Variants in STRA8 observed in about 807,000 individuals in gnomAD.
The protein encoded by STRA8 is stimulated by retinoic acid gene 8 protein homolog.
Under a neutral mutation model 37.1 loss-of-function variants are expected in STRA8, and 18 were observed. That is an observed-to-expected ratio of 0.48 (90% CI 0.34 to 0.72). STRA8 has a LOEUF of 0.72. Ranked by LOEUF, STRA8 falls within the 30% of genes least tolerant of loss-of-function variation. STRA8 has a pLI of 0.01. For synonymous variants in STRA8, 168 were observed against 162.9 expected, an observed-to-expected ratio of 1.03 and a Z score of -0.24; for missense variants, 357 against 410.4, an observed-to-expected ratio of 0.87 and a Z score of 1.13.
chr7:135,240,755 G>A, intron 2 of STRA8, 39 bp downstream of exon 2: 1 of 1,604,694 alleles, frequency 6.2e-7, no homozygotes, highest in African/African-American at 1.3e-5. Flanking sequence ...CATCTCCACG[G>A]GGAAGGAGAC....
At position 135,249,741 on chromosome 7, in the gene STRA8, T is replaced by A. The variant is rs113126622; in HGVS notation, c.880-2055T>A. On this transcript the variant is annotated intron_variant, in intron 6 of 8. Transcript: ENST00000662584. ...CAGTATCTACCAAATGCCTGAGCAA[T>A]TCTGCCAAATTTGACTGTGCCAGCA... 1.8e-3 allele frequency among the ~76,000 whole-genome samples: 278 copies of A among 152,362 alleles called. 5 individuals are homozygous for A. Among genetic ancestry groups the A allele is most frequent in the African/African-American group, 6.4e-3 (266 of 41,582 alleles).
intron 2 of STRA8, 28 bp downstream of exon 2, chr7:135,240,744 A>G (rs1359879598): frequency 1.2e-5 from 20 of 1,608,104 alleles, no homozygotes; most frequent in Non-Finnish European, 1.7e-5. Context: ...AGGAGAGGGG[A>G]CATCTCCACG....
At chr7:135,256,660 C>T (rs1292989856) in intron 8 of STRA8, among the ~76,000 whole-genome samples, 2 of 152,126 alleles carry the variant, frequency 1.3e-5, no homozygotes, top group Admixed American at 1.3e-4. Context: ...TAAAAATTAG[C>T]TGGGTGTGGT....
intron 8 of STRA8, 77 bp downstream of exon 8, chr7:135,255,302 A>C: frequency 9.3e-7 from 1 of 1,078,348 alleles, no homozygotes; most frequent in Non-Finnish European, 1.4e-6. Context: ...GGGCAGCCCT[A>C]ACCAGAACTC....
At chr7:135,245,796 T>C (rs1832542524) in intron 5 of STRA8, among the ~76,000 whole-genome samples, 1 of 152,148 alleles carries the variant, frequency 6.6e-6, no homozygotes, top group Non-Finnish European at 1.5e-5. Context: ...ACTGGGTGTT[T>C]ATTTGGGGTG....
intron 2 of STRA8, among the ~76,000 whole-genome samples, chr7:135,242,059 G>A (rs970686169): frequency 5.4e-4 from 74 of 136,580 alleles, no homozygotes; most frequent in African/African-American, 1.9e-3. Flanking sequence ...AAGAGAAGAG[G>A]AGGAAGGAAA....
Position 135,258,575 on chromosome 7 carries a change from G to C in STRA8, c.*83G>C, listed in dbSNP as rs1832736044. 2.5e-6 allele frequency: 3 copies of C among 1,200,230 alleles called. No individual in the cohort carries two copies. In the Admixed American group the frequency reaches 6.2e-5, roughly 25 times the overall value. 74.3% of individuals were successfully genotyped at this position (1,200,230 alleles called of 1,614,324 possible). A position where few individuals can be genotyped will look rare whatever the true frequency, so the allele number is the denominator to read the frequency against. ...AATGCTGGCAGCTAAGGTTGCACCT[G>C]CCTTGGCCTCCAGGACTCTTTGGAG... On this transcript the variant is annotated 3_prime_UTR_variant, in exon 9 of 9. Transcript: ENST00000662584.
At chr7:135,254,793 A>G (rs1276358664) in intron 7 of STRA8, among the ~76,000 whole-genome samples, 1 of 152,352 alleles carries the variant, frequency 6.6e-6, no homozygotes, top group East Asian at 1.9e-4. Context: ...CAGCAGCCAC[A>G]GTGGAACCAG....
intron 7 of STRA8, among the ~76,000 whole-genome samples, 197 bp from the exon 8 acceptor site, chr7:135,254,914 CAGT>C (rs1832683849): frequency 2.6e-5 from 4 of 152,200 alleles, no homozygotes; most frequent in Non-Finnish European, 4.4e-5. Flanking sequence ...AGTCTCACCA[CAGT>C]CTCGATTTTC....
At position 135,240,565 on chromosome 7, in the gene STRA8, C is replaced by T. The variant is rs780468268; in HGVS notation, c.41C>T (p.Ala14Val). Residue 14 changes from alanine to valine, a missense_variant, in exon 2 of 9, where the codon GCA becomes GTA. By Grantham distance (64) the Ala-to-Val change is moderately conservative. Transcript: ENST00000662584. ...GAAAACAGCAATCCCCATGACAGAG[C>T]AACACCCCAGCTGCCAGCACAGCTG... ...PEENSNPHDR[A>V]TPQLPAQLQE... The T allele has an allele frequency of 6.2e-7, 1 of 1,614,156 alleles. No individual in the cohort carries two copies. Among genetic ancestry groups the T allele is most frequent in the South Asian group, 1.1e-5 (1 of 91,078 alleles).
rs375071028 is a variant in STRA8 at position 135,245,375 on chromosome 7, T to C, written c.441T>C (p.Asp147=). The C allele has an allele frequency of 1.3e-6, 1 of 771,678 alleles. No homozygotes were observed. Among genetic ancestry groups the C allele is most frequent in the Non-Finnish European group, 2.4e-6 (1 of 413,970 alleles). The allele number at this position is 771,678 out of a possible 1,614,324, so 47.8% of individuals were successfully genotyped here. A position where few individuals can be genotyped will look rare whatever the true frequency, so the allele number is the denominator to read the frequency against. ...GGAAGGATGCTGAGGAGGAGGAAGATGAGGAAGAGGAAGATCAAGAAGAAG... is the reference window on the plus strand; with the variant it reads ...GGAAGGATGCTGAGGAGGAGGAAGACGAGGAAGAGGAAGATCAAGAAGAAG... The part of the protein sequence containing the change: ...AVRKDAEEEE[D]EEEEDQEEEE... Residue 147 remains aspartate (D), a synonymous_variant, in exon 5 of 9, where the codon GAT becomes GAC. Transcript: ENST00000662584.
chr7:135,253,758 C>T (rs1832668914), intron 7 of STRA8, among the ~76,000 whole-genome samples: 1 of 152,196 alleles, frequency 6.6e-6, no homozygotes, highest in Non-Finnish European at 1.5e-5. Context: ...GGTCTTAGAG[C>T]CTGAAGGCAC....
At position 135,246,301 on chromosome 7, in the gene STRA8, G is replaced by A; in HGVS notation, c.594-116G>A. 7.3e-7 allele frequency: 1 copy of A among 1,372,012 alleles called. No individual in the cohort carries two copies. The highest frequency in any genetic ancestry group is 1.0e-6 in the Non-Finnish European group (1 of 989,770). 85.0% of individuals were successfully genotyped at this position (1,372,012 alleles called of 1,614,324 possible). A position where few individuals can be genotyped will look rare whatever the true frequency, so the allele number is the denominator to read the frequency against. On this transcript the variant is annotated intron_variant, in intron 5 of 8. Transcript: ENST00000662584. This position sits in a 1 kb window ranked among gnomAD's most constrained non-coding sequence, Gnocchi z 5.4. ...GCAGAGTCTGAGAAGTCTCAGCCCT[G>A]GTGAGCCGTGGCGCCGTGGCCGGGC... is the stretch of plus-strand genomic sequence containing the variant.
chr7:135,251,932 G>A (rs559520599), intron 7 of STRA8, 63 bp downstream of exon 7: 31 of 1,505,424 alleles, frequency 2.1e-5, no homozygotes, highest in African/African-American at 1.4e-4. Flanking sequence ...TTGTGTGTGC[G>A]CAGGTGTGTA....
intron 7 of STRA8, among the ~76,000 whole-genome samples, chr7:135,253,954 CTGGCCT>C (rs1316569734): frequency 6.6e-6 from 1 of 152,214 alleles, no homozygotes; most frequent in African/African-American, 2.4e-5. Context: ...AGTAACCCAG[CTGGCCT>C]TTCAGCAGAG....
intron 4 of STRA8, among the ~76,000 whole-genome samples, chr7:135,244,020 C>T (rs945100217): frequency 2.0e-5 from 3 of 152,170 alleles, no homozygotes; most frequent in African/African-American, 7.2e-5. Flanking sequence ...GAGAAATGTA[C>T]TTTTATGATC....
Position 135,246,246 on chromosome 7 carries a change from A to T in STRA8, c.594-171A>T. ...TCTATGTCCTTCATGGCCCCCAGGAAGGCTGCTGCTCTCCAAGGGCCAGGG... is the reference window on the plus strand; with the variant it reads ...TCTATGTCCTTCATGGCCCCCAGGATGGCTGCTGCTCTCCAAGGGCCAGGG... On this transcript the variant is annotated intron_variant, in intron 5 of 8. Transcript: ENST00000662584. The surrounding 1 kb of genome is among the most constrained non-coding windows in gnomAD (Gnocchi z 5.4). 1 of 863,134 alleles carries T rather than the reference A, an allele frequency of 1.2e-6. No individual in the cohort carries two copies. Among genetic ancestry groups the T allele is most frequent in the Admixed American group, 2.9e-5 (1 of 34,854 alleles). The allele number at this position is 863,134 out of a possible 1,614,324, so 53.5% of individuals were successfully genotyped here.
chr7:135,241,123 G>T (rs902256982), intron 2 of STRA8, among the ~76,000 whole-genome samples: 2 of 152,046 alleles, frequency 1.3e-5, no homozygotes, highest in Non-Finnish European at 2.9e-5. Flanking sequence ...ACTAAATTTT[G>T]GGGGGACACA....
intron 2 of STRA8, among the ~76,000 whole-genome samples, chr7:135,241,276 C>T (rs1832460590): frequency 6.6e-6 from 1 of 152,182 alleles, no homozygotes; most frequent in Non-Finnish European, 1.5e-5. Context: ...GAGAGCAAAA[C>T]ACATAGGAGT....
Sources: allele counts gnomAD v4.1 joint callset (sites outside exome capture counted in the v4.1 genomes callset), GRCh38; gene constraint gnomAD v4.1.1; non-coding constraint Gnocchi (gnomAD v3.1); transcripts MANE v1.5; gene names NCBI Gene and HGNC (gene_info 2026-07-23, HGNC 2026-07-21).